Variants in MYO5B observed in about 807,000 individuals in gnomAD.
MYO5B encodes the protein unconventional myosin-Vb.
Under a neutral mutation model 229.3 loss-of-function variants are expected in MYO5B, and 143 were observed. That is an observed-to-expected ratio of 0.62 (90% confidence interval 0.54 to 0.72). MYO5B has a LOEUF of 0.72. Ranked by LOEUF, MYO5B falls within the 30% of genes least tolerant of loss-of-function variation. The probability of loss-of-function intolerance (pLI) is 0.00; values close to 1 mark genes in which losing one functional copy is unlikely to be tolerated. For missense variants in MYO5B, 2,321 were observed against 2,331.0 expected (o/e 1.00, Z 0.09); for synonymous variants, 918 against 885.2 (o/e 1.04, Z -0.66).
intron 1 of MYO5B, among the ~76,000 whole-genome samples, chr18:50,147,985 A>G (rs1391701934): frequency 2.0e-5 from 3 of 151,848 alleles, no homozygotes; most frequent in Non-Finnish European, 2.9e-5. Flanking sequence ...GACACAATAA[A>G]AAATGATAAA....
At chr18:50,162,436 G>A (rs192164658) in intron 1 of MYO5B, among the ~76,000 whole-genome samples, 18 of 152,292 alleles carry the variant, frequency 1.2e-4, no homozygotes, top group Non-Finnish European at 2.5e-4. Flanking sequence ...GAAAAATTTG[G>A]AAGGACTGTG....
chr18:49,912,244 T>C, intron 17 of MYO5B, 71 bp from the exon 18 acceptor site: 1 of 1,105,354 alleles, frequency 9.0e-7, no homozygotes. Context: ...AGGCGTGACC[T>C]CAGACAGTTC....
intron 1 of MYO5B, among the ~76,000 whole-genome samples, chr18:50,101,982 C>T (rs986610101): frequency 2.0e-5 from 3 of 152,176 alleles, no homozygotes; most frequent in African/African-American, 7.2e-5. Flanking sequence ...GGAACCAACT[C>T]AAATGCCCAT....
intron 1 of MYO5B, among the ~76,000 whole-genome samples, chr18:50,059,223 A>C (rs2030626446): frequency 6.6e-6 from 1 of 152,244 alleles, no homozygotes; most frequent in South Asian, 2.1e-4. Context: ...GAGAATGTGC[A>C]TTCATGGGGC....
At chr18:50,179,051 A>G (rs2033036627) in intron 1 of MYO5B, among the ~76,000 whole-genome samples, 1 of 152,226 alleles carries the variant, frequency 6.6e-6, no homozygotes, top group Non-Finnish European at 1.5e-5. Context: ...AAAAATGTTT[A>G]TTATTATACT....
chr18:49,962,295 T>TACC lies in MYO5B; in HGVS notation c.1513_1515dup (p.Gly505dup). ...CATTCTTCATCCAACAGGTCCAAGA[T>TACC]ACCCAGCTTGGCTTCAATGAGGTCG... On this transcript the variant is annotated inframe_insertion, in exon 12 of 40. Coordinates refer to ENST00000285039, the MANE Select transcript of MYO5B (RefSeq NM_001080467.3). The TACC allele has an allele frequency of 6.2e-7, 1 of 1,614,222 alleles. No homozygotes were observed. The highest frequency in any genetic ancestry group is 8.5e-7 in the Non-Finnish European group (1 of 1,180,030).
intron 12 of MYO5B, among the ~76,000 whole-genome samples, chr18:49,956,506 G>C (rs1050791345): frequency 6.6e-6 from 1 of 152,162 alleles, no homozygotes; most frequent in Non-Finnish European, 1.5e-5. Context: ...CACAAAAGCA[G>C]AACAAGGTAG....
chr18:49,871,117 A>T (rs2144092411), intron 27 of MYO5B, among the ~76,000 whole-genome samples: 2 of 152,382 alleles, frequency 1.3e-5, no homozygotes, highest in Middle Eastern at 6.8e-3. Context: ...AAGAAGATGG[A>T]CACATACTAC....
chr18:49,887,386 A>T (rs979168352), intron 22 of MYO5B, among the ~76,000 whole-genome samples: 27 of 151,968 alleles, frequency 1.8e-4, no homozygotes, highest in African/African-American at 6.5e-4. Context: ...AGCCATCTAG[A>T]TATTAGGAGG....
chr18:50,155,524 C>T (rs924517514), intron 1 of MYO5B, among the ~76,000 whole-genome samples: 5 of 152,194 alleles, frequency 3.3e-5, no homozygotes, highest in Admixed American at 6.5e-5. Context: ...CTGCTTCTAA[C>T]TACCTTGCAG....
In MYO5B at chr18:49,999,555, C is replaced by T. The variant is rs558662541; in HGVS notation, c.612+1700G>A. 3.3e-5 allele frequency among the ~76,000 whole-genome samples: 5 copies of T among 152,324 alleles called. No individual in the cohort carries two copies. The East Asian group carries it at 5.8e-4, about 18-fold the overall frequency. ...CATAAAAAGTTGAATGATATGGGGACAAGGCTTATGCTGTAATAGTTAGTA... is the reference window on the plus strand; with the variant it reads ...CATAAAAAGTTGAATGATATGGGGATAAGGCTTATGCTGTAATAGTTAGTA... On this transcript the variant is annotated intron_variant, in intron 5 of 39. Transcript: ENST00000285039.
chr18:49,870,229 C>T (rs757699154), intron 27 of MYO5B, among the ~76,000 whole-genome samples: 20 of 152,166 alleles, frequency 1.3e-4, no homozygotes, highest in Non-Finnish European at 2.6e-4. Flanking sequence ...GCTGGGAAAC[C>T]GGACATCCAC....
intron 27 of MYO5B, among the ~76,000 whole-genome samples, chr18:49,871,019 A>C (rs1333923546): frequency 6.6e-6 from 1 of 152,228 alleles, no homozygotes; most frequent in African/African-American, 2.4e-5. Context: ...CATTATTCAC[A>C]ATAGCCAAAA....
chr18:50,037,230 C>A (rs2144384487), intron 3 of MYO5B, among the ~76,000 whole-genome samples: 1 of 139,618 alleles, frequency 7.2e-6, no homozygotes, highest in East Asian at 2.1e-4. Flanking sequence ...CACACACACA[C>A]ACACACTCAC....
intron 1 of MYO5B, among the ~76,000 whole-genome samples, chr18:50,181,720 C>T (rs1393101467): frequency 1.3e-5 from 2 of 152,198 alleles, no homozygotes; most frequent in Non-Finnish European, 2.9e-5. Flanking sequence ...AAAAATCCAT[C>T]ACATTTTATG....
At position 49,864,258 on chromosome 18, in the gene MYO5B, G is replaced by A. The variant is rs752887613; in HGVS notation, c.3726C>T (p.Leu1242=). Residue 1242 remains leucine (L), a synonymous_variant, in exon 28 of 40, where the codon CTC becomes CTT. Coordinates refer to ENST00000285039, the MANE Select transcript of MYO5B (RefSeq NM_001080467.3). The part of the protein sequence containing the change: ...SSHGSPDSYS[L]LLNQLKLAHE... Reference sequence around the variant, plus strand: ...GGGCCAGCTTGAGCTGGTTCAGCAGGAGGCTGTAGCTATCTGGGGAGCCGT... The same window carrying A: ...GGGCCAGCTTGAGCTGGTTCAGCAGAAGGCTGTAGCTATCTGGGGAGCCGT... 1.2e-5 allele frequency: 20 copies of A among 1,614,176 alleles called. 1 individual carries two copies. The South Asian group carries it at 2.2e-4, about 18-fold the overall frequency.
intron 1 of MYO5B, chr18:50,098,831 G>T: frequency 6.5e-6 from 1 of 153,716 alleles, no homozygotes. Context: ...CAGTTCAGAT[G>T]ATGGAACCTC....
In MYO5B at chr18:49,933,549, C is replaced by A. The variant is rs2025217323; in HGVS notation, c.2003+2703G>T. Among the ~76,000 whole-genome samples, 3 of 152,346 alleles carry A rather than the reference C, an allele frequency of 2.0e-5. No homozygotes were observed. The South Asian group carries it at 6.2e-4, about 32-fold the overall frequency. On this transcript the variant is annotated intron_variant, in intron 16 of 39. Coordinates refer to ENST00000285039, the MANE Select transcript of MYO5B (RefSeq NM_001080467.3). ...TTTAATGTGGGACAGGAGTTCTCAACTGGAGGCAATTTTGTCCCCAAGAGA... is the reference window on the plus strand; with the variant it reads ...TTTAATGTGGGACAGGAGTTCTCAAATGGAGGCAATTTTGTCCCCAAGAGA...
At chr18:49,882,944 C>T (rs2024604580) in intron 22 of MYO5B, among the ~76,000 whole-genome samples, 1 of 152,186 alleles carries the variant, frequency 6.6e-6, no homozygotes, top group South Asian at 2.1e-4. Context: ...AACCAAACTA[C>T]AGCCCAGTAT....
Sources: allele counts gnomAD v4.1 joint callset (sites outside exome capture counted in the v4.1 genomes callset), GRCh38; gene constraint gnomAD v4.1.1; transcripts MANE v1.5; gene names NCBI Gene and HGNC (gene_info 2026-07-23, HGNC 2026-07-21).